SAMD12: variants seen among roughly 807,000 people sequenced by gnomAD.
The protein encoded by SAMD12 is sterile alpha motif domain containing 12.
SAMD12 carries 9 observed loss-of-function variants against 15.0 expected under a neutral mutation model. The ratio of observed to expected loss-of-function variants is 0.60; its 90% CI spans 0.36 to 1.05. The LOEUF (loss-of-function observed/expected upper bound fraction) is 1.05, where lower values mean the gene tolerates loss of function less well. SAMD12 is among the 50% of genes least tolerant of loss of function. The pLI is 0.01. For missense variants in SAMD12, 230 were observed against 234.2 expected, an observed-to-expected ratio of 0.98 and a Z score of 0.12; for synonymous variants, 86 against 90.1, an observed-to-expected ratio of 0.96 and a Z score of 0.25.
intron 2 of SAMD12, among the ~76,000 whole-genome samples, chr8:118,527,130 C>T (rs1373531252): frequency 6.6e-6 from 1 of 152,190 alleles, no homozygotes; most frequent in African/African-American, 2.4e-5. Context: ...TTCATTCTCC[C>T]TGTCACTGGC....
At chr8:118,152,553 C>A in the SAMD12 span, among the ~76,000 whole-genome samples, 1 of 150,676 alleles carries the variant, frequency 6.6e-6, no homozygotes, top group African/African-American at 2.4e-5. Context: ...GGTTAGAGTG[C>A]AATGGTACAA....
intron 2 of SAMD12, among the ~76,000 whole-genome samples, chr8:118,450,314 A>C (rs896583250): frequency 6.6e-6 from 1 of 152,172 alleles, no homozygotes; most frequent in South Asian, 2.1e-4. Flanking sequence ...TCTGGTTATC[A>C]AGGCCTGTTC....
intron 3 of SAMD12, among the ~76,000 whole-genome samples, chr8:118,425,637 G>A (rs1035235153): frequency 2.0e-5 from 3 of 152,198 alleles, no homozygotes; most frequent in African/African-American, 7.2e-5. Context: ...CATTCACAAT[G>A]TAAGCAGATG....
intron 4 of SAMD12, among the ~76,000 whole-genome samples, chr8:118,364,916 C>T (rs1476659416): frequency 6.6e-6 from 1 of 152,056 alleles, no homozygotes; most frequent in Non-Finnish European, 1.5e-5. Flanking sequence ...GTTATCATAT[C>T]CTGTGTAGAT....
At chr8:118,410,982 T>C (rs1172535226) in intron 3 of SAMD12, among the ~76,000 whole-genome samples, 2 of 152,062 alleles carry the variant, frequency 1.3e-5, no homozygotes, top group Non-Finnish European at 2.9e-5. Flanking sequence ...AATCTTTCAG[T>C]GAGAAAAGTG....
chr8:118,477,881 A>G (rs568230290), intron 2 of SAMD12, among the ~76,000 whole-genome samples: 25 of 152,054 alleles, frequency 1.6e-4, no homozygotes, highest in African/African-American at 6.0e-4. Context: ...CAGGTGTGGC[A>G]GAGGGTGCCT....
intron 2 of SAMD12, among the ~76,000 whole-genome samples, chr8:118,576,047 CA>C (rs1185127873): frequency 6.6e-6 from 1 of 151,910 alleles, no homozygotes; most frequent in African/African-American, 2.4e-5. Flanking sequence ...GGATGAGGAT[CA>C]GACAGAACAT....
chr8:118,544,838 G>A (rs1034860804), intron 2 of SAMD12, among the ~76,000 whole-genome samples: 2 of 152,204 alleles, frequency 1.3e-5, no homozygotes, highest in Admixed American at 1.3e-4. Context: ...GTGAAAGGAT[G>A]AGGAAACATG....
chr8:118,248,621 G>A (rs1483735250), intron 4 of SAMD12, among the ~76,000 whole-genome samples: 1 of 138,658 alleles, frequency 7.2e-6, no homozygotes, highest in Non-Finnish European at 1.5e-5. Context: ...AATGATTACT[G>A]AATAGATGAC....
chr8:118,149,653 C>T, the SAMD12 span, among the ~76,000 whole-genome samples: 2 of 152,082 alleles, frequency 1.3e-5, no homozygotes, highest in Admixed American at 6.5e-5. Flanking sequence ...CTGCCTAATC[C>T]ATGGTTCCAA....
At chr8:118,595,267 C>T (rs561722299) in intron 1 of SAMD12, among the ~76,000 whole-genome samples, 1 of 152,258 alleles carries the variant, frequency 6.6e-6, no homozygotes, top group East Asian at 1.9e-4. Context: ...GATTTATATT[C>T]CTACTTAGCT....
chr8:118,427,653 T>C (rs1822271523), intron 3 of SAMD12, among the ~76,000 whole-genome samples: 2 of 152,160 alleles, frequency 1.3e-5, no homozygotes, highest in South Asian at 4.1e-4. Flanking sequence ...TGAGTAGAGG[T>C]TTTGGTGTGA....
intron 2 of SAMD12, among the ~76,000 whole-genome samples, chr8:118,493,729 T>C (rs1440034663): frequency 6.6e-6 from 1 of 152,144 alleles, no homozygotes; most frequent in East Asian, 1.9e-4. Flanking sequence ...TCACATAACC[T>C]GAACATGCCC....
chr8:118,486,722 C>A (rs561687571), intron 2 of SAMD12, among the ~76,000 whole-genome samples: 53 of 128,596 alleles, frequency 4.1e-4, no homozygotes, highest in African/African-American at 1.3e-3. Flanking sequence ...TGCTAAATAA[C>A]GTAAAAAAAT....
intron 4 of SAMD12, chr8:118,284,403 C>T: frequency 2.2e-6 from 1 of 455,816 alleles, no homozygotes; most frequent in Non-Finnish European, 4.4e-6. Flanking sequence ...CTGTTTTGAA[C>T]ATCTGCACAG....
chr8:118,596,208 G>T (rs2131289630), intron 1 of SAMD12, among the ~76,000 whole-genome samples: 1 of 152,302 alleles, frequency 6.6e-6, no homozygotes, highest in Middle Eastern at 3.4e-3. Flanking sequence ...CTATGAATCA[G>T]AAAATACATG....
chr8:118,298,613 T>C (rs1814853731), intron 4 of SAMD12, among the ~76,000 whole-genome samples: 1 of 152,202 alleles, frequency 6.6e-6, no homozygotes, highest in South Asian at 2.1e-4. Context: ...TTACACACTT[T>C]TACCAAGGGA....
chr8:118,188,048 A>C (rs1000555057), downstream of SAMD12, among the ~76,000 whole-genome samples: 1 of 151,936 alleles, frequency 6.6e-6, no homozygotes, highest in African/African-American at 2.4e-5. Context: ...AGAGAGAGAG[A>C]GAGAGAGAGA....
At chr8:118,470,330 T>A (rs1823759932) in intron 2 of SAMD12, among the ~76,000 whole-genome samples, 1 of 151,962 alleles carries the variant, frequency 6.6e-6, no homozygotes, top group Admixed American at 6.6e-5. Flanking sequence ...ATAGATAACC[T>A]GGTGTGGGTG....
Sources: gnomAD v4.1 joint callset for allele counts (sites outside exome capture counted in the v4.1 genomes callset) on GRCh38, gnomAD v4.1.1 for gene constraint, MANE v1.5 for transcripts, NCBI Gene and HGNC (gene_info 2026-07-23, HGNC 2026-07-21) for gene names.